Variants in PKD2L2 observed in about 807,000 individuals in gnomAD.
The protein encoded by PKD2L2 is polycystin-2-like protein 2.
Under a neutral mutation model 83.9 loss-of-function variants are expected in PKD2L2, and 67 were observed. The ratio of observed to expected loss-of-function variants is 0.80; its 90% CI spans 0.66 to 0.98. PKD2L2 has a LOEUF of 0.98. Ranked by LOEUF, PKD2L2 falls within the 50% of genes least tolerant of loss-of-function variation. The pLI is 0.00. For synonymous variants in PKD2L2, 223 were observed against 237.8 expected, an observed-to-expected ratio of 0.94 and a Z score of 0.57; for missense variants, 632 against 717.2, an observed-to-expected ratio of 0.88 and a Z score of 1.36.
At chr5:137,935,765 T>C in intron 12 of PKD2L2, 32 bp from the exon 13 acceptor site, 1 of 1,127,096 alleles carries the variant, frequency 8.9e-7, no homozygotes, top group Non-Finnish European at 1.3e-6. Context: ...GAACTAAAGA[T>C]TGCAGCCTTT....
intron 2 of PKD2L2, among the ~76,000 whole-genome samples, chr5:137,892,060 C>A (rs1037123047): frequency 6.6e-6 from 1 of 152,214 alleles, no homozygotes; most frequent in South Asian, 2.1e-4. Flanking sequence ...TCTCACTTCT[C>A]ACAACAAAAC....
intron 9 of PKD2L2, among the ~76,000 whole-genome samples, chr5:137,923,026 T>C (rs1561699846): frequency 6.6e-6 from 1 of 151,614 alleles, no homozygotes; most frequent in African/African-American, 2.4e-5. Flanking sequence ...CTTTTTTTTT[T>C]TTTTAGACGG....
At chr5:137,939,764 C>T (rs1448906900) in intron 14 of PKD2L2, 18 of 835,456 alleles carry the variant, frequency 2.2e-5, no homozygotes, top group Non-Finnish European at 2.7e-5. Context: ...TGCGTATGTG[C>T]ACTTTTATAG....
At chr5:137,917,162 CTTTTTTTTTTT>C (rs34636933) in intron 8 of PKD2L2, among the ~76,000 whole-genome samples, 1 of 127,206 alleles carries the variant, frequency 7.9e-6, no homozygotes, top group Non-Finnish European at 1.6e-5. Context: ...GTTCACTTTT[CTTTTTTTTTTT>C]TTTTTTGAGA....
chr5:137,929,930 C>T (rs1275367630), intron 12 of PKD2L2, among the ~76,000 whole-genome samples: 1 of 152,044 alleles, frequency 6.6e-6, no homozygotes. Context: ...GGATTCTAGA[C>T]AAAAAGCTCC....
intron 12 of PKD2L2, among the ~76,000 whole-genome samples, chr5:137,930,006 C>A (rs1046783227): frequency 6.6e-6 from 1 of 151,730 alleles, no homozygotes; most frequent in African/African-American, 2.4e-5. Context: ...TATCTATGCA[C>A]CAAACAGAGT....
chr5:137,916,085 G>C (rs1758310512), intron 8 of PKD2L2, among the ~76,000 whole-genome samples: 1 of 150,666 alleles, frequency 6.6e-6, no homozygotes, highest in South Asian at 2.1e-4. Context: ...GCCAAGGCTG[G>C]TCTCAAACTT....
chr5:137,914,188 C>T (rs1300377700), intron 8 of PKD2L2, among the ~76,000 whole-genome samples: 1 of 151,854 alleles, frequency 6.6e-6, no homozygotes, highest in Admixed American at 6.6e-5. Context: ...CCAACCCAGC[C>T]TGAAATTGCT....
chr5:137,914,780 T>C (rs1273627051), intron 8 of PKD2L2, among the ~76,000 whole-genome samples: 1 of 152,208 alleles, frequency 6.6e-6, no homozygotes, highest in African/African-American at 2.4e-5. Flanking sequence ...TATAATGGCC[T>C]TTATTATGTT....
rs148499490 is a variant in PKD2L2 at position 137,940,710 on chromosome 5, G to A, written c.*18-1674G>A. Among the ~76,000 whole-genome samples, 756 of 152,220 alleles carry A rather than the reference G, an allele frequency of 5.0e-3. 2 individuals carry two copies. Among genetic ancestry groups the A allele is most frequent in the African/African-American group, 0.012 (494 of 41,516 alleles). On this transcript the variant is annotated intron_variant, in intron 14 of 14. Coordinates refer to ENST00000508883, the MANE Select transcript of PKD2L2 (RefSeq NM_001300921.2). ...TCATTTAATACATTTAGTTAACTGC[G>A]GCTCCAGTGAATTGAGATGTAAAAG...
Position 137,899,597 on chromosome 5 carries a change from C to T in PKD2L2, c.606C>T (p.Phe202=). 2 of 1,613,836 alleles carry T rather than the reference C, an allele frequency of 1.2e-6. No individual in the cohort carries two copies. The highest frequency in any genetic ancestry group is 1.7e-6 in the Non-Finnish European group (2 of 1,179,716). ...TTTACCGAAATGGGGGATACATTTT[C>T]ACTTTATCAAAATCGAAATCTGAAA... ...LGVYRNGGYI[F]TLSKSKSETK... The change falls in exon 5 of 15, where the codon TTC becomes TTT. Residue 202 remains phenylalanine (F), a synonymous_variant. Coordinates refer to ENST00000508883, the MANE Select transcript of PKD2L2 (RefSeq NM_001300921.2).
intron 12 of PKD2L2, among the ~76,000 whole-genome samples, chr5:137,929,184 G>A (rs917279589): frequency 2.6e-5 from 4 of 152,106 alleles, no homozygotes; most frequent in Non-Finnish European, 2.9e-5. Context: ...AAAGATGGCC[G>A]GGCGCAATGG....
intron 8 of PKD2L2, among the ~76,000 whole-genome samples, chr5:137,915,189 T>C (rs1275506061): frequency 1.3e-5 from 2 of 152,182 alleles, no homozygotes; most frequent in Admixed American, 6.5e-5. Context: ...AGTTCGAAGA[T>C]TGGCATTAAT....
chr5:137,912,624 C>T (rs1239662194), intron 8 of PKD2L2, among the ~76,000 whole-genome samples: 1 of 151,960 alleles, frequency 6.6e-6, no homozygotes, highest in Non-Finnish European at 1.5e-5. Flanking sequence ...GCCTCTGTCT[C>T]CCAAAGTGCT....
rs754798050 is a variant in PKD2L2, at chr5:137,889,526, A to G, written c.31+4A>G. 9.0e-6 allele frequency: 14 copies of G among 1,552,134 alleles called. No individual in the cohort carries two copies. The highest frequency in any genetic ancestry group is 2.2e-5 in the Admixed American group (1 of 45,680). On this transcript the variant is annotated splice_donor_region_variant and intron_variant, in intron 1 of 14. Transcript: ENST00000508883. ...GCGTCACGGTGGCACCGAGGCGGTG[A>G]GGGGTCCTCTTAAGGAGTGGGAGGG...
At chr5:137,905,325 AAC>A (rs1214938014) in intron 5 of PKD2L2, among the ~76,000 whole-genome samples, 6 of 152,222 alleles carry the variant, frequency 3.9e-5, no homozygotes, top group Non-Finnish European at 7.3e-5. Flanking sequence ...AGGCAAACTA[AAC>A]AGAGTATTAA....
chr5:137,931,542 A>C (rs960405760), intron 12 of PKD2L2, among the ~76,000 whole-genome samples: 2 of 152,220 alleles, frequency 1.3e-5, no homozygotes, highest in Non-Finnish European at 2.9e-5. Flanking sequence ...GTAATCAACT[A>C]ATCAACGTAA....
intron 12 of PKD2L2, among the ~76,000 whole-genome samples, chr5:137,931,060 AAT>A (rs1759834324): frequency 6.6e-6 from 1 of 152,186 alleles, no homozygotes; most frequent in East Asian, 1.9e-4. Flanking sequence ...AGATCTCACT[AAT>A]AGACTTTTTT....
intron 11 of PKD2L2, 102 bp downstream of exon 11, chr5:137,925,206 T>A: frequency 1.4e-6 from 1 of 725,798 alleles, no homozygotes; most frequent in Non-Finnish European, 2.4e-6. Flanking sequence ...TTGTTTGTTT[T>A]AAATAGAGAT....
Sources: gnomAD v4.1 joint callset for allele counts (sites outside exome capture counted in the v4.1 genomes callset) on GRCh38, gnomAD v4.1.1 for gene constraint, MANE v1.5 for transcripts, NCBI Gene and HGNC (gene_info 2026-07-23, HGNC 2026-07-21) for gene names.